The following DACT2 variants were observed in gnomAD, a reference collection of about 807,000 sequenced individuals.
DACT2 encodes dishevelled binding antagonist of beta catenin 2, also known as dapper homolog 2.
A neutral mutation model predicts 22.2 loss-of-function variants in DACT2; 20 were observed. The ratio of observed to expected loss-of-function variants is 0.90; its 90% CI spans 0.63 to 1.31. The LOEUF (loss-of-function observed/expected upper bound fraction) is 1.31. Among genes scored for constraint, DACT2 ranks in the 50% most tolerant of loss-of-function variants. The pLI is 0.00. For synonymous variants in DACT2, 463 were observed against 479.8 expected, an observed-to-expected ratio of 0.96 and a Z score of 0.46; for missense variants, 1,048 against 1,061.4, an observed-to-expected ratio of 0.99 and a Z score of 0.18.
intron 3 of DACT2, among the ~76,000 whole-genome samples, chr6:168,297,271 C>A (rs4708453): frequency 0.79 from 120,272 of 152,128 alleles, 47,796 homozygotes; most frequent in East Asian, 0.94. Context: ...TGATGTGGCA[C>A]AGGGGGATGA....
chr6:168,308,221 C>A lies in DACT2; in HGVS notation c.1536G>T (p.Arg512Ser), dbSNP rs758046804. 6.4e-7 allele frequency: 1 copy of A among 1,551,784 alleles called. No homozygotes were observed. Among genetic ancestry groups the A allele is most frequent in the Admixed American group, 2.0e-5 (1 of 51,012 alleles). The change falls in exon 4 of 4, where the codon AGG becomes AGT. Residue 512 changes from arginine (R) to serine (S), a missense_variant. Coordinates refer to ENST00000366795, the MANE Select transcript of DACT2 (RefSeq NM_214462.5). ...SPMDKVLRFA[R>S]QPLLLLDRPE... ...GCCTGTCCAGTAGAAGCAGCGGCTG[C>A]CTTGCAAACCTCAGCACCTTGTCCA...
At chr6:168,310,027 A>AC in intron 3 of DACT2, 141 bp downstream of exon 3, 3 of 1,331,854 alleles carry the variant, frequency 2.3e-6, no homozygotes, top group Non-Finnish European at 3.0e-6. Context: ...CACGTGGCCC[A>AC]CGGAGGCCTT....
At chr6:168,319,009 A>T (rs1779579990) in intron 1 of DACT2, among the ~76,000 whole-genome samples, 1 of 151,760 alleles carries the variant, frequency 6.6e-6, no homozygotes, top group South Asian at 2.1e-4. Flanking sequence ...TCCCGAGCCG[A>T]CCTCCGCCAG....
Position 168,307,252 on chromosome 6 carries a change from G to C in DACT2, c.*180C>G. On this transcript the variant is annotated 3_prime_UTR_variant, in exon 4 of 4. Transcript: ENST00000366795. This position sits in a 1 kb window ranked among gnomAD's most constrained non-coding sequence, Gnocchi z 5.3. ...AGCTCCGCATGGAAGTCTTTGCTGGGGCGGGGACTCACGGCCATACTCCAC... is the reference window on the plus strand; with the variant it reads ...AGCTCCGCATGGAAGTCTTTGCTGGCGCGGGGACTCACGGCCATACTCCAC... The C allele has an allele frequency of 1.4e-6, 2 of 1,422,834 alleles. No homozygotes were observed. Among genetic ancestry groups the C allele is most frequent in the Admixed American group, 3.0e-5 (1 of 33,118 alleles). The allele number at this position is 1,422,834 out of a possible 1,614,324, so 88.1% of individuals were successfully genotyped here.
At position 168,308,624 on chromosome 6, in the gene DACT2, C is replaced by T. The variant is rs200186315; in HGVS notation, c.1133G>A (p.Arg378Gln). The part of the protein sequence containing the change: ...QGGWSTDGGG[R>Q]LLVFAPGRED... ...CCTCCCTGGGGCGAAGACCAGCAGTCGCCCTCCACCGTCTGTACTCCAGCC... is the reference window on the plus strand; with the variant it reads ...CCTCCCTGGGGCGAAGACCAGCAGTTGCCCTCCACCGTCTGTACTCCAGCC... The change falls in exon 4 of 4, where the codon CGA becomes CAA. Residue 378 changes from arginine to glutamine, a missense_variant. By Grantham distance (43) the Arg-to-Gln change is conservative (BLOSUM62 1). Transcript: ENST00000366795. 2.7e-4 allele frequency: 410 copies of T among 1,544,172 alleles called. 1 individual carries two copies. Among genetic ancestry groups the T allele is most frequent in the Middle Eastern group, 6.7e-4 (4 of 6,014 alleles).
At chr6:168,315,507 G>T (rs1272639411) in intron 1 of DACT2, among the ~76,000 whole-genome samples, 1 of 152,200 alleles carries the variant, frequency 6.6e-6, no homozygotes, top group East Asian at 1.9e-4. Context: ...TAGAAACCCA[G>T]AACAGGGAGA....
chr6:168,296,775 C>G (rs1779016956), intron 3 of DACT2, among the ~76,000 whole-genome samples: 1 of 152,186 alleles, frequency 6.6e-6, no homozygotes, highest in South Asian at 2.1e-4. Context: ...TTAAAACCCA[C>G]AAATCATAAA....
At chr6:168,311,583 TC>T (rs1779410118) in intron 1 of DACT2, among the ~76,000 whole-genome samples, 3 of 39,528 alleles carry the variant, frequency 7.6e-5, no homozygotes, top group African/African-American at 2.3e-4. Context: ...CACACACCCA[TC>T]CACACACACA....
intron 3 of DACT2, among the ~76,000 whole-genome samples, chr6:168,295,356 A>G (rs1359382436): frequency 6.6e-6 from 1 of 152,224 alleles, no homozygotes; most frequent in African/African-American, 2.4e-5. Flanking sequence ...GGGTTCAAAC[A>G]GACACTCTGC....
chr6:168,314,042 T>G (rs1366097108), intron 1 of DACT2, among the ~76,000 whole-genome samples: 1 of 152,160 alleles, frequency 6.6e-6, no homozygotes, highest in Non-Finnish European at 1.5e-5. Context: ...TGTCCCGAAC[T>G]TGGGGTTTGT....
downstream of DACT2, among the ~76,000 whole-genome samples, chr6:168,305,185 C>T (rs1583293493): frequency 6.6e-6 from 1 of 152,210 alleles, no homozygotes; most frequent in East Asian, 1.9e-4. Context: ...CACTGAGGAC[C>T]CTTCCTGCCC....
At chr6:168,315,648 A>G (rs1006822321) in intron 1 of DACT2, among the ~76,000 whole-genome samples, 8 of 152,232 alleles carry the variant, frequency 5.3e-5, no homozygotes, top group African/African-American at 1.9e-4. Context: ...GCTGCAGCAC[A>G]TTGCGACAAG....
Position 168,310,166 on chromosome 6 carries a change from A to G in DACT2, c.658+2T>C. 1 of 1,548,278 alleles carries G rather than the reference A, an allele frequency of 6.5e-7. No individual in the cohort carries two copies. The highest frequency in any genetic ancestry group is 8.7e-7 in the Non-Finnish European group (1 of 1,146,460). ...CCCCCACCTTCCCTGGCAGTTTCTT[A>G]CCTGTAGACACAGGCCTGGGCCAGA... On this transcript the variant is annotated splice_donor_variant, in intron 3 of 3. Coordinates refer to ENST00000366795, the MANE Select transcript of DACT2 (RefSeq NM_214462.5). LOFTEE classifies it high-confidence loss of function.
At position 168,296,223 on chromosome 6, in the gene DACT2, A is replaced by G. The variant is rs568561214; in HGVS notation, c.659-1519T>C. Among the ~76,000 whole-genome samples, 1,232 of 148,876 alleles carry G rather than the reference A, an allele frequency of 8.3e-3. 83 individuals are homozygous for G. The highest frequency in any genetic ancestry group is 0.029 in the African/African-American group (1,132 of 38,524). The stretch of plus-strand genomic sequence containing the variant: ...GAGGAGATGGTCATGGAGGACAGGC[A>G]CCCGGAATCAGGGAAAGAGCAGATC... On this transcript the variant is annotated intron_variant, in intron 3 of 5. Coordinates refer to the DACT2 transcript ENST00000366796.
At chr6:168,303,441 CGA>C (rs1779145761), downstream of DACT2, among the ~76,000 whole-genome samples, 1 of 152,114 alleles carries the variant, frequency 6.6e-6, no homozygotes, top group South Asian at 2.1e-4. Flanking sequence ...GCCTAGTTCC[CGA>C]GAGAGCAGGT....
At chr6:168,295,901 C>G (rs892166071) in intron 3 of DACT2, among the ~76,000 whole-genome samples, 3 of 152,262 alleles carry the variant, frequency 2.0e-5, no homozygotes, top group Non-Finnish European at 4.4e-5. Context: ...ATAGCTGTGT[C>G]CCCAGGAGGA....
At chr6:168,314,609 C>T (rs959146134) in intron 1 of DACT2, among the ~76,000 whole-genome samples, 1 of 152,194 alleles carries the variant, frequency 6.6e-6, no homozygotes, top group Admixed American at 6.5e-5. Context: ...AGAGAATGAC[C>T]TGATTTCCCT....
Position 168,307,885 on chromosome 6 carries a change from A to G in DACT2, c.1872T>C (p.Cys624=). ...TGGGGGGCCCCAGGTTAGACTCAGG[A>G]CAGCTGGCCAGGCGGGCCCGGGCCG... is the stretch of plus-strand genomic sequence containing the variant. ...EISARARLAS[C]PESNLGPPRP... The change falls in exon 4 of 4, where the codon TGT becomes TGC. Residue 624 remains cysteine, a synonymous_variant. Coordinates refer to ENST00000366795, the MANE Select transcript of DACT2 (RefSeq NM_214462.5). The surrounding 1 kb of genome is among the most constrained non-coding windows in gnomAD (Gnocchi z 5.3). The G allele has an allele frequency of 6.5e-7, 1 of 1,535,830 alleles. No homozygotes were observed. The highest frequency in any genetic ancestry group is 8.7e-7 in the Non-Finnish European group (1 of 1,145,048).
intron 3 of DACT2, among the ~76,000 whole-genome samples, chr6:168,296,103 G>C (rs1414766800): frequency 6.3e-5 from 7 of 111,368 alleles, no homozygotes; most frequent in South Asian, 3.2e-4. Context: ...ATCAGGGAAA[G>C]AGTGGATCCA....
Sources: gnomAD v4.1 joint callset for allele counts (sites outside exome capture counted in the v4.1 genomes callset) on GRCh38, gnomAD v4.1.1 for gene constraint, Gnocchi (gnomAD v3.1) non-coding constraint, MANE v1.5 for transcripts, NCBI Gene and HGNC (gene_info 2026-07-23, HGNC 2026-07-21) for gene names.